The following TOM1L1 variants were observed in gnomAD, a reference collection of about 807,000 sequenced individuals.
The protein encoded by TOM1L1 is target of myb1 like 1 membrane trafficking protein.
Under a neutral mutation model 63.4 loss-of-function variants are expected in TOM1L1, and 64 were observed. The ratio of observed to expected loss-of-function variants is 1.01; its 90% CI spans 0.83 to 1.24. The LOEUF (loss-of-function observed/expected upper bound fraction) is 1.24, where lower values mean the gene tolerates loss of function less well. Among genes scored for constraint, TOM1L1 ranks in the 50% most tolerant of loss-of-function variants. TOM1L1 has a pLI of 0.00. For missense variants in TOM1L1, 536 were observed against 567.0 expected (o/e 0.95, Z 0.55); for synonymous variants, 166 against 194.4 (o/e 0.85, Z 1.22).
intron 15 of TOM1L1, 141 bp from the exon 16 acceptor site, chr17:54,961,094 C>T: frequency 3.0e-6 from 2 of 676,206 alleles, no homozygotes; most frequent in Non-Finnish European, 5.2e-6. Flanking sequence ...TTATACCCTC[C>T]CCTATGGAAG....
At chr17:54,901,122 A>T (rs1173917696) in intron 1 of TOM1L1, 199 bp downstream of exon 1, 1 of 683,804 alleles carries the variant, frequency 1.5e-6, no homozygotes, top group East Asian at 2.7e-5. Flanking sequence ...TCACTGTAGA[A>T]CCTCAGTCCT....
chr17:54,960,471 C>G (rs1392138066), intron 14 of TOM1L1, 95 bp from the exon 15 acceptor site: 16 of 878,082 alleles, frequency 1.8e-5, no homozygotes, highest in Non-Finnish European at 2.9e-5. Flanking sequence ...ACTCCAAAAC[C>G]AGCTCAATTT....
chr17:54,955,325 T>C (rs1013956184), intron 14 of TOM1L1, among the ~76,000 whole-genome samples: 13 of 152,172 alleles, frequency 8.5e-5, no homozygotes, highest in African/African-American at 3.1e-4. Flanking sequence ...GGGAGGTAGG[T>C]AAATCAATCA....
chr17:54,919,407 GCAAA>G (rs1249773942), intron 7 of TOM1L1, among the ~76,000 whole-genome samples: 1 of 152,112 alleles, frequency 6.6e-6, no homozygotes, highest in Non-Finnish European at 1.5e-5. Context: ...TCCATCTGTG[GCAAA>G]CAATCCTTCA....
intron 14 of TOM1L1, among the ~76,000 whole-genome samples, chr17:54,951,477 C>T (rs2049235174): frequency 6.6e-6 from 1 of 152,062 alleles, no homozygotes; most frequent in Non-Finnish European, 1.5e-5. Context: ...CAAAGGTGGG[C>T]GATTAGAGTG....
At chr17:54,947,096 T>C (rs1256453548) in intron 11 of TOM1L1, among the ~76,000 whole-genome samples, 165 bp from the exon 12 acceptor site, 2 of 152,210 alleles carry the variant, frequency 1.3e-5, no homozygotes, top group Non-Finnish European at 2.9e-5. Context: ...CATAACCTGA[T>C]GTGCACTAAA....
chr17:54,913,665 C>CAAAA (rs58570485), intron 4 of TOM1L1, 83 bp from the exon 5 acceptor site: 75 of 1,079,442 alleles, frequency 6.9e-5, no homozygotes, highest in East Asian at 2.7e-4. Flanking sequence ...GACTCTGTCT[C>CAAAA]AAAAAAAAAA....
intron 3 of TOM1L1, among the ~76,000 whole-genome samples, chr17:54,907,891 T>G (rs1353119767): frequency 6.6e-6 from 1 of 152,192 alleles, no homozygotes; most frequent in Non-Finnish European, 1.5e-5. Flanking sequence ...CCAGCCTACT[T>G]GATGTTTCAG....
chr17:54,914,687 G>C lies in TOM1L1; in HGVS notation c.547G>C (p.Ala183Pro). The change falls in exon 6 of 16, where the codon GCT becomes CCT. Residue 183 changes from alanine (A) to proline (P), a missense_variant. Ala to Pro is a conservative substitution (Grantham distance 27). Transcript: ENST00000575882. Reference sequence around the variant, plus strand: ...TCCAACATCTGTCCCTACTGCACCAGCTCTTTCTTCTGTAATTGCTCCAAA... The same window carrying C: ...TCCAACATCTGTCCCTACTGCACCACCTCTTTCTTCTGTAATTGCTCCAAA... ...NPPTSVPTAP[A>P]LSSVIAPKNS... 1 of 1,613,950 alleles carries C rather than the reference G, an allele frequency of 6.2e-7. No homozygotes were observed. Among genetic ancestry groups the C allele is most frequent in the Non-Finnish European group, 8.5e-7 (1 of 1,179,888 alleles).
intron 3 of TOM1L1, among the ~76,000 whole-genome samples, chr17:54,910,911 G>A (rs1251124535): frequency 6.6e-6 from 1 of 152,154 alleles, no homozygotes; most frequent in Non-Finnish European, 1.5e-5. Context: ...AAAATACAAA[G>A]CATGGCATGA....
chr17:54,920,155 C>A (rs1473925702), intron 7 of TOM1L1, among the ~76,000 whole-genome samples: 1 of 152,152 alleles, frequency 6.6e-6, no homozygotes, highest in Non-Finnish European at 1.5e-5. Flanking sequence ...CCCTGGTTGG[C>A]TGCCCCCTTA....
Position 54,912,768 on chromosome 17 carries a change from T to C in TOM1L1, c.325T>C (p.Tyr109His). 1.9e-6 allele frequency: 3 copies of C among 1,612,160 alleles called. No individual in the cohort carries two copies. Among genetic ancestry groups the C allele is most frequent in the Non-Finnish European group, 2.5e-6 (3 of 1,179,478 alleles). ...ENLVKLLNPR[Y>H]NLPLDIQNRI... ...TTTAGTTAAGCTACTGAATCCCAGA[T>C]ACAACTTGCCATTAGACATTCAGAA... is the stretch of plus-strand genomic sequence containing the variant. Residue 109 changes from tyrosine to histidine, a missense_variant, in exon 4 of 16, where the codon TAC becomes CAC. Transcript: ENST00000575882.
At position 54,961,843 on chromosome 17, in the gene TOM1L1, A is replaced by C. The variant is rs1275445580; in HGVS notation, c.*610A>C. Reference sequence around the variant, plus strand: ...TAAATATGATTCTTTGTAATGCTAAATAGCCTTTTTTTCTCTTTTTACTGC... The same window carrying C: ...TAAATATGATTCTTTGTAATGCTAACTAGCCTTTTTTTCTCTTTTTACTGC... On this transcript the variant is annotated 3_prime_UTR_variant, in exon 16 of 16. Coordinates refer to ENST00000575882, the MANE Select transcript of TOM1L1 (RefSeq NM_005486.3). 1 of 980,274 alleles carries C rather than the reference A, an allele frequency of 1.0e-6. No homozygotes were observed. Among genetic ancestry groups the C allele is most frequent in the Admixed American group, 6.1e-5 (1 of 16,264 alleles). The allele number at this position is 980,274 out of a possible 1,614,324, so 60.7% of individuals were successfully genotyped here.
chr17:54,930,041 GGAA>G (rs2048832152), intron 7 of TOM1L1, 29 bp from the exon 8 acceptor site: 1 of 1,613,368 alleles, frequency 6.2e-7, no homozygotes, highest in African/African-American at 1.3e-5. Flanking sequence ...TTCCAAGTGT[GGAA>G]GAAGAAATCT....
At chr17:54,930,765 C>T (rs1307584610) in intron 8 of TOM1L1, among the ~76,000 whole-genome samples, 3 of 152,084 alleles carry the variant, frequency 2.0e-5, no homozygotes, top group Non-Finnish European at 2.9e-5. Flanking sequence ...TTGCTTGAAC[C>T]TGGGAGGTGG....
At chr17:54,928,321 A>G (rs761551038) in intron 7 of TOM1L1, among the ~76,000 whole-genome samples, 4 of 152,032 alleles carry the variant, frequency 2.6e-5, no homozygotes, top group Non-Finnish European at 5.9e-5. Flanking sequence ...TCTTACAACA[A>G]CCTTACAAGA....
intron 2 of TOM1L1, 60 bp downstream of exon 2, chr17:54,903,852 C>G (rs1236456644): frequency 1.4e-6 from 2 of 1,440,208 alleles, no homozygotes; most frequent in Non-Finnish European, 1.9e-6. Context: ...AACTACAGCA[C>G]GTTTTCTCTT....
At chr17:54,907,910 T>G (rs2048438243) in intron 3 of TOM1L1, among the ~76,000 whole-genome samples, 1 of 152,182 alleles carries the variant, frequency 6.6e-6, no homozygotes, top group South Asian at 2.1e-4. Context: ...AGTGGTTGCT[T>G]CTTAATCCCA....
At chr17:54,949,226 T>C (rs55796398) in intron 12 of TOM1L1, among the ~76,000 whole-genome samples, 30,494 of 133,002 alleles carry the variant, frequency 0.23, 3,903 homozygotes, top group Non-Finnish European at 0.3. Flanking sequence ...TTTTGTAGAG[T>C]TGGGGTCTTG....
Sources: allele counts gnomAD v4.1 joint callset (sites outside exome capture counted in the v4.1 genomes callset), GRCh38; gene constraint gnomAD v4.1.1; transcripts MANE v1.5; gene names NCBI Gene and HGNC (gene_info 2026-07-23, HGNC 2026-07-21).